Variants in CRISP1 observed in about 807,000 individuals in gnomAD.
CRISP1 encodes cysteine rich secretory protein 1, also known as cysteine-rich secretory protein 1.
Under a neutral mutation model 33.1 loss-of-function variants are expected in CRISP1, and 44 were observed. The observed-to-expected ratio is 1.33, with a 90% confidence interval of 1.05 to 1.71. The LOEUF is 1.71. CRISP1 is among the 40% of genes most tolerant of loss of function. CRISP1 has a pLI of 0.00. For synonymous variants in CRISP1, 103 were observed against 98.7 expected, an observed-to-expected ratio of 1.04 and a Z score of -0.26; for missense variants, 390 against 301.2, an observed-to-expected ratio of 1.29 and a Z score of -2.18.
chr6:49,863,741 A>G lies in CRISP1; in HGVS notation c.-3+2688T>C, dbSNP rs539526750. 4.6e-5 allele frequency among the ~76,000 whole-genome samples: 7 copies of G among 152,364 alleles called. No homozygotes were observed. In the South Asian group the frequency reaches 1.4e-3, roughly 32 times the overall value. On this transcript the variant is annotated intron_variant, in intron 1 of 7. Coordinates refer to ENST00000335847, the MANE Select transcript of CRISP1 (RefSeq NM_001131.3). ...TGGGGAATGCACTCTCATAGAATCA[A>G]TTGTTAGACCATGACCTTCTCAGAA...
intron 1 of CRISP1, among the ~76,000 whole-genome samples, chr6:49,866,003 A>T (rs1312636608): frequency 6.6e-6 from 1 of 152,122 alleles, no homozygotes; most frequent in African/African-American, 2.4e-5. Flanking sequence ...CGAAAACAAA[A>T]TGTCAAGTTA....
At chr6:49,849,215 G>C (rs1181964867) in intron 3 of CRISP1, among the ~76,000 whole-genome samples, 1 of 152,062 alleles carries the variant, frequency 6.6e-6, no homozygotes, top group Non-Finnish European at 1.5e-5. Flanking sequence ...ATATGAAACT[G>C]CCCAATTTTT....
At chr6:49,838,335 A>T (rs1770870915) in intron 7 of CRISP1, 102 bp downstream of exon 7, 2 of 817,000 alleles carry the variant, frequency 2.4e-6, no homozygotes, top group South Asian at 3.3e-5. Context: ...ATGAGATGAA[A>T]GTTGTAGAAA....
intron 5 of CRISP1, among the ~76,000 whole-genome samples, chr6:49,842,547 AC>A (rs1369610410): frequency 6.6e-6 from 1 of 152,156 alleles, no homozygotes; most frequent in Non-Finnish European, 1.5e-5. Flanking sequence ...ATACAAGGCT[AC>A]AGAAAATGTC....
At chr6:49,835,507 G>A in intron 7 of CRISP1, 64 bp from the exon 8 acceptor site, 1 of 1,518,630 alleles carries the variant, frequency 6.6e-7, no homozygotes, top group East Asian at 2.3e-5. Flanking sequence ...TGAGGAAAGA[G>A]ACCATCTTAT....
intron 5 of CRISP1, 111 bp downstream of exon 5, chr6:49,846,409 A>C (rs1771169258): frequency 3.6e-6 from 4 of 1,122,760 alleles, no homozygotes; most frequent in Non-Finnish European, 2.6e-6. Context: ...CAGTAAATTG[A>C]GTAAAGATTG....
intron 5 of CRISP1, among the ~76,000 whole-genome samples, chr6:49,841,867 T>C (rs1454485104): frequency 6.6e-6 from 1 of 152,268 alleles, no homozygotes; most frequent in South Asian, 2.1e-4. Context: ...AACAACGCTG[T>C]CCTCTACATC....
intron 1 of CRISP1, among the ~76,000 whole-genome samples, chr6:49,861,653 G>A (rs1256455436): frequency 6.6e-6 from 1 of 152,100 alleles, no homozygotes; most frequent in Non-Finnish European, 1.5e-5. Context: ...GGAGGCCGAG[G>A]TGGGCAAATC....
Position 49,876,313 on chromosome 6 carries a change from A to G in CRISP1, c.-3+696T>C, listed in dbSNP as rs148404822. Among the ~76,000 whole-genome samples the G allele has an allele frequency of 3.3e-3, 509 of 152,302 alleles. 4 individuals are homozygous for G. The highest frequency in any genetic ancestry group is 0.012 in the African/African-American group (489 of 41,570). ...GCTGAACATCACTGATCATTAGAGAAATGCAAATCAAAACCACAATGAAAT... is the reference window on the plus strand; with the variant it reads ...GCTGAACATCACTGATCATTAGAGAGATGCAAATCAAAACCACAATGAAAT... On this transcript the variant is annotated intron_variant, in intron 1 of 7. Coordinates refer to the CRISP1 transcript ENST00000505118.
At chr6:49,843,579 A>G (rs1771062934) in intron 5 of CRISP1, among the ~76,000 whole-genome samples, 1 of 152,220 alleles carries the variant, frequency 6.6e-6, no homozygotes. Context: ...TGAATTCAAT[A>G]AAATAAACTT....
intron 2 of CRISP1, among the ~76,000 whole-genome samples, chr6:49,855,307 AC>A (rs763053692): frequency 1.3e-5 from 2 of 152,152 alleles, no homozygotes; most frequent in Non-Finnish European, 2.9e-5. Flanking sequence ...AAACACAGAC[AC>A]AATGGATTCA....
At chr6:49,855,037 G>C (rs540798394) in intron 2 of CRISP1, among the ~76,000 whole-genome samples, 2 of 152,156 alleles carry the variant, frequency 1.3e-5, no homozygotes, top group Admixed American at 1.3e-4. Flanking sequence ...TATTCTGCTT[G>C]GTTTATTGGC....
intron 1 of CRISP1, 91 bp from the exon 2 acceptor site, chr6:49,857,493 G>T (rs921553980): frequency 1.6e-6 from 2 of 1,250,742 alleles, no homozygotes; most frequent in African/African-American, 1.5e-5. Context: ...ACATGTGTTT[G>T]CATTTTTTTT....
At chr6:49,876,718 G>A (rs527278075) in intron 1 of CRISP1, among the ~76,000 whole-genome samples, 1 of 151,972 alleles carries the variant, frequency 6.6e-6, no homozygotes, top group Non-Finnish European at 1.5e-5. Flanking sequence ...AGAAGAACAC[G>A]ATTATGTCCT....
chr6:49,836,027 A>G (rs1770778126), intron 7 of CRISP1, among the ~76,000 whole-genome samples: 1 of 152,202 alleles, frequency 6.6e-6, no homozygotes, highest in African/African-American at 2.4e-5. Flanking sequence ...AAATTCTCCA[A>G]TCAGTATGAA....
intron 5 of CRISP1, among the ~76,000 whole-genome samples, chr6:49,843,376 C>T (rs1582260777): frequency 6.6e-6 from 1 of 151,986 alleles, no homozygotes; most frequent in Non-Finnish European, 1.5e-5. Flanking sequence ...TTTTTATATG[C>T]TTTATCTTCA....
chr6:49,844,839 A>G (rs1272967786), intron 5 of CRISP1, among the ~76,000 whole-genome samples: 1 of 152,210 alleles, frequency 6.6e-6, no homozygotes, highest in Non-Finnish European at 1.5e-5. Context: ...ATGGAAGCAT[A>G]TAACATTTTT....
chr6:49,855,627 C>G (rs1771473057), intron 2 of CRISP1, among the ~76,000 whole-genome samples: 1 of 152,102 alleles, frequency 6.6e-6, no homozygotes, highest in Non-Finnish European at 1.5e-5. Context: ...CTGCCTGTTA[C>G]CTGATCACAA....
chr6:49,857,152 T>C (rs1771517957), intron 2 of CRISP1, among the ~76,000 whole-genome samples, 183 bp downstream of exon 2: 2 of 152,322 alleles, frequency 1.3e-5, no homozygotes, highest in East Asian at 3.9e-4. Context: ...TACTATTCTT[T>C]GGTTCTCTCC....
Sources: allele counts gnomAD v4.1 joint callset (sites outside exome capture counted in the v4.1 genomes callset), GRCh38; gene constraint gnomAD v4.1.1; transcripts MANE v1.5; gene names NCBI Gene and HGNC (gene_info 2026-07-23, HGNC 2026-07-21).